The following PTK2 variants were observed in gnomAD, a reference collection of about 807,000 sequenced individuals.
PTK2 encodes protein tyrosine kinase 2.
In PTK2, 45 loss-of-function variants were observed where a neutral mutation model predicts 150.1. That is an observed-to-expected ratio of 0.30 (90% CI 0.24 to 0.38). PTK2 has a LOEUF of 0.38. PTK2 is among the 10% of genes least tolerant of loss of function. The pLI is 1.00. For synonymous variants in PTK2, 432 were observed against 449.2 expected (o/e 0.96, Z 0.48); for missense variants, 919 against 1,307.3 (o/e 0.70, Z 4.58).
Position 140,741,160 on chromosome 8 carries a change from T to C in PTK2, c.1736-2053A>G, listed in dbSNP as rs549927796. On this transcript the variant is annotated intron_variant, in intron 20 of 31. Transcript: ENST00000522684. ...CCCTGTCTTAAAAAATGTTTTAATT[T>C]AAAAAATTAGGCCAGGCGCAGTGGC... Among the ~76,000 whole-genome samples, 172 of 145,194 alleles carry C rather than the reference T, an allele frequency of 1.2e-3. 1 individual carries two copies. Among genetic ancestry groups the C allele is most frequent in the Non-Finnish European group, 1.6e-3 (108 of 66,216 alleles).
chr8:140,957,020 C>T (rs2100181435), intron 1 of PTK2, among the ~76,000 whole-genome samples: 1 of 152,048 alleles, frequency 6.6e-6, no homozygotes, highest in Admixed American at 6.6e-5. Flanking sequence ...GAGATGATGC[C>T]ATTGCACTCC....
chr8:140,938,407 C>T (rs66878551), intron 1 of PTK2, among the ~76,000 whole-genome samples: 18,262 of 152,230 alleles, frequency 0.12, 1,501 homozygotes, highest in Middle Eastern at 0.2. Flanking sequence ...AAACTCCACA[C>T]CTTAATCCCC....
intron 2 of PTK2, among the ~76,000 whole-genome samples, chr8:140,895,647 C>T (rs2019699918): frequency 6.6e-6 from 1 of 151,926 alleles, no homozygotes; most frequent in African/African-American, 2.4e-5. Flanking sequence ...TGCGTAAGAG[C>T]TAGTATTTGG....
At position 140,809,251 on chromosome 8, in the gene PTK2, A is replaced by G. The variant is rs1197646180; in HGVS notation, c.868-5601T>C. 2.0e-5 allele frequency among the ~76,000 whole-genome samples: 3 copies of G among 152,252 alleles called. No individual in the cohort carries two copies. In the East Asian group the frequency reaches 5.8e-4, roughly 29 times the overall value. On this transcript the variant is annotated intron_variant, in intron 10 of 31. Transcript: ENST00000522684. The stretch of plus-strand genomic sequence containing the variant: ...CAGAATGAAGAAAAATACTGAAATC[A>G]ATGAAAATGAATAGTACTGCTGCAA...
exon 24 of PTK2, chr8:140,706,126 T>C: frequency 6.2e-7 from 1 of 1,604,248 alleles, no homozygotes; most frequent in Non-Finnish European, 8.5e-7. Context: ...TACCTGGTAA[T>C]GATTGGTTTG....
At chr8:140,906,125 A>G (rs1476870051) in intron 2 of PTK2, among the ~76,000 whole-genome samples, 2 of 152,138 alleles carry the variant, frequency 1.3e-5, no homozygotes, top group African/African-American at 4.8e-5. Flanking sequence ...AATGCTCAAC[A>G]CTACTATCAT....
chr8:140,922,432 C>CA (rs2100167848), intron 2 of PTK2, among the ~76,000 whole-genome samples: 1 of 151,750 alleles, frequency 6.6e-6, no homozygotes, highest in Admixed American at 6.6e-5. Flanking sequence ...AAAATATCCC[C>CA]AGCCTCCACC....
chr8:140,938,517 T>C (rs2100174513), intron 1 of PTK2, among the ~76,000 whole-genome samples: 1 of 152,202 alleles, frequency 6.6e-6, no homozygotes, highest in African/African-American at 2.4e-5. Flanking sequence ...ATAAATGCTC[T>C]AGACTGATCA....
chr8:140,846,511 T>C, intron 6 of PTK2, 88 bp downstream of exon 6: 2 of 1,240,724 alleles, frequency 1.6e-6, no homozygotes, highest in Non-Finnish European at 2.3e-6. Flanking sequence ...TGATAATCCT[T>C]ATGAAGAAAA....
At chr8:140,908,838 T>C (rs1330321114) in intron 2 of PTK2, among the ~76,000 whole-genome samples, 1 of 152,198 alleles carries the variant, frequency 6.6e-6, no homozygotes, top group Non-Finnish European at 1.5e-5. Context: ...AGAGAAAACA[T>C]GCCAAATTTC....
intron 7 of PTK2, among the ~76,000 whole-genome samples, chr8:140,841,329 G>T (rs2100122213): frequency 6.6e-6 from 1 of 152,100 alleles, no homozygotes; most frequent in Non-Finnish European, 1.5e-5. Context: ...AGGGGAAAAT[G>T]ATCTTATTCT....
chr8:140,681,659 C>T (rs1347687026), intron 27 of PTK2, among the ~76,000 whole-genome samples: 2 of 152,014 alleles, frequency 1.3e-5, no homozygotes, highest in Non-Finnish European at 2.9e-5. Context: ...CGCCTGTAGT[C>T]GCAGCTACTC....
intron 11 of PTK2, among the ~76,000 whole-genome samples, chr8:140,803,005 CTTTTTTTTTTTTT>C (rs778981723): frequency 5.2e-5 from 4 of 77,364 alleles, no homozygotes; most frequent in Admixed American, 1.8e-4. Context: ...TGATGACAAT[CTTTTTTTTTTTTT>C]TTTTTTTTTT....
At chr8:140,866,068 C>T (rs978304937) in intron 4 of PTK2, among the ~76,000 whole-genome samples, 18 of 152,126 alleles carry the variant, frequency 1.2e-4, no homozygotes, top group East Asian at 5.8e-4. Context: ...AGATTACAGG[C>T]GTGTGAGCCA....
intron 14 of PTK2, among the ~76,000 whole-genome samples, chr8:140,773,625 G>A (rs1345370173): frequency 6.6e-6 from 1 of 152,162 alleles, no homozygotes. Context: ...GAGGTCAGGT[G>A]AGGTGGATGA....
Position 140,756,913 on chromosome 8 carries a change from C to T in PTK2, c.1332+4252G>A, listed in dbSNP as rs375479858. Among the ~76,000 whole-genome samples, 19 of 151,110 alleles carry T rather than the reference C, an allele frequency of 1.3e-4. 1 individual carries two copies. The highest frequency in any genetic ancestry group is 4.2e-4 in the South Asian group (2 of 4,780). ...CTGAGGCAGGAGAATGGCGTGAACCCGGGAGGCGGAGCTTGCAGTGAGCTG... is the reference window on the plus strand; with the variant it reads ...CTGAGGCAGGAGAATGGCGTGAACCTGGGAGGCGGAGCTTGCAGTGAGCTG... On this transcript the variant is annotated intron_variant, in intron 16 of 31. Transcript: ENST00000522684.
chr8:140,890,482 C>T (rs756861507), intron 3 of PTK2, 61 bp downstream of exon 3: 53 of 1,344,378 alleles, frequency 3.9e-5, no homozygotes, highest in Non-Finnish European at 5.5e-5. Flanking sequence ...TTTTTTCATA[C>T]ATGCCATTAC....
intron 1 of PTK2, among the ~76,000 whole-genome samples, chr8:140,972,810 C>T (rs750727764): frequency 5.9e-5 from 9 of 152,134 alleles, no homozygotes; most frequent in Non-Finnish European, 1.2e-4. Flanking sequence ...TTCTCAGTTG[C>T]TTTTCCTTTT....
chr8:140,785,799 T>C (rs953780010), intron 14 of PTK2, among the ~76,000 whole-genome samples: 2 of 152,222 alleles, frequency 1.3e-5, no homozygotes, highest in African/African-American at 4.8e-5. Flanking sequence ...CTGAATTTAA[T>C]TCTTCATATC....
Sources: allele counts gnomAD v4.1 joint callset (sites outside exome capture counted in the v4.1 genomes callset), GRCh38; gene constraint gnomAD v4.1.1; transcripts MANE v1.5; gene names NCBI Gene and HGNC (gene_info 2026-07-23, HGNC 2026-07-21).